The following PCNX2 variants were observed in gnomAD, a reference collection of about 807,000 sequenced individuals.
PCNX2 encodes the protein pecanex-like protein 2.
Under a neutral mutation model 223.8 loss-of-function variants are expected in PCNX2, and 168 were observed. That is an observed-to-expected ratio of 0.75 (90% CI 0.66 to 0.85). The LOEUF (loss-of-function observed/expected upper bound fraction) is 0.85, where lower values mean the gene tolerates loss of function less well. Among genes scored for constraint, PCNX2 ranks in the 40% least tolerant of loss-of-function variants. The pLI, the probability that PCNX2 is intolerant of heterozygous loss-of-function variation, is 0.00. For synonymous variants in PCNX2, 1,006 were observed against 1,052.6 expected (o/e 0.96, Z 0.86); for missense variants, 2,507 against 2,675.5 (o/e 0.94, Z 1.39).
rs1320297356 is a variant in PCNX2 at position 233,126,447 on chromosome 1, A to C, written c.3837+8566T>G. 6.6e-6 allele frequency among the ~76,000 whole-genome samples: 1 copy of C among 152,154 alleles called. No individual in the cohort carries two copies. The highest frequency in any genetic ancestry group is 1.5e-5 in the Non-Finnish European group (1 of 68,022). On this transcript the variant is annotated intron_variant, in intron 21 of 33. Coordinates refer to ENST00000258229, the MANE Select transcript of PCNX2 (RefSeq NM_014801.4). This position sits in a 1 kb window ranked among gnomAD's most constrained non-coding sequence, Gnocchi z 4.8. The stretch of plus-strand genomic sequence containing the variant: ...GTCTTCTAACACATATTTTAAGCAA[A>C]AATGGAGGTAAAAGGCAGGTACAGA...
At chr1:233,172,994 A>T (rs1679248505) in intron 17 of PCNX2, among the ~76,000 whole-genome samples, 1 of 152,142 alleles carries the variant, frequency 6.6e-6, no homozygotes, top group African/African-American at 2.4e-5. Context: ...CCCACTGCTA[A>T]ACAATTACCT....
chr1:233,230,605 A>G (rs985271400), intron 9 of PCNX2, among the ~76,000 whole-genome samples: 1 of 152,196 alleles, frequency 6.6e-6, no homozygotes, highest in African/African-American at 2.4e-5. Context: ...TTGCCCAGTA[A>G]GTTGGGCCTG....
intron 21 of PCNX2, among the ~76,000 whole-genome samples, chr1:233,124,999 A>C (rs1168840000): frequency 6.6e-6 from 1 of 152,224 alleles, no homozygotes; most frequent in African/African-American, 2.4e-5. Flanking sequence ...GGTCATTTAC[A>C]AATAGGTATT....
Position 232,984,410 on chromosome 1 carries a change from GCCAGACATCGGTCATGAAGCTGCCC to G in PCNX2, c.6283_6307del (p.Gly2095LeufsTer92). The G allele has an allele frequency of 6.2e-7, 1 of 1,613,796 alleles. No individual in the cohort carries two copies. The highest frequency in any genetic ancestry group is 8.5e-7 in the Non-Finnish European group (1 of 1,179,848). On this transcript the variant is annotated frameshift_variant, in exon 34 of 34. Coordinates refer to ENST00000258229, the MANE Select transcript of PCNX2 (RefSeq NM_014801.4). LOFTEE classifies it high-confidence loss of function. ...CCCGAGAGTGTCCGCCACAGCCTCA[GCCAGACATCGGTCATGAAGCTGCCC>G]CTGCTCGGTGGCATCAGGGGGCTCA...
intron 21 of PCNX2, among the ~76,000 whole-genome samples, chr1:233,122,115 G>A (rs1675834460): frequency 8.8e-6 from 1 of 113,228 alleles, no homozygotes; most frequent in Non-Finnish European, 2.1e-5. Flanking sequence ...CACAGAGGGA[G>A]AGAGAGAGAG....
At chr1:233,149,163 C>T (rs1190958666) in intron 19 of PCNX2, among the ~76,000 whole-genome samples, 1 of 152,198 alleles carries the variant, frequency 6.6e-6, no homozygotes. Context: ...TTTCTCTTTT[C>T]TCTGGAATAT....
intron 26 of PCNX2, among the ~76,000 whole-genome samples, chr1:233,024,194 C>A (rs769417487): frequency 6.6e-6 from 1 of 152,198 alleles, no homozygotes; most frequent in African/African-American, 2.4e-5. Context: ...GGATTATAGG[C>A]GTGAACCACC....
At chr1:233,054,632 G>A in intron 24 of PCNX2, 149 bp from the exon 25 acceptor site, 1 of 677,910 alleles carries the variant, frequency 1.5e-6, no homozygotes, top group Non-Finnish European at 2.4e-6. Flanking sequence ...CCACATTTTA[G>A]TGGATTATAT....
intron 26 of PCNX2, 138 bp from the exon 27 acceptor site, chr1:233,017,292 AT>A: frequency 1.9e-6 from 1 of 526,022 alleles, no homozygotes; most frequent in Non-Finnish European, 3.2e-6. Context: ...CACAGAACTC[AT>A]TTGAGACATT....
At chr1:233,031,128 C>T (rs1671248523) in intron 25 of PCNX2, among the ~76,000 whole-genome samples, 2 of 152,326 alleles carry the variant, frequency 1.3e-5, no homozygotes, top group South Asian at 4.1e-4. Flanking sequence ...CCCTGCACTG[C>T]CTGTTGTCCA....
rs540710512 is a variant in PCNX2 at position 233,135,183 on chromosome 1, T to C, written c.3667A>G (p.Ile1223Val). The change falls in exon 21 of 34, where the codon ATT (isoleucine) becomes GTT (valine). Residue 1223 changes from isoleucine to valine, a missense_variant. Around this residue, in one of 3 missense-constraint regions of PCNX2, gnomAD observed 1,372 missense variants for 1,509.4 expected, o/e 0.91. Transcript: ENST00000258229. ...ATGCCAGCAATGATCATCAGAAAAATGTCCCAGCTGTTGGAAACAAAAGAA... is the reference window on the plus strand; with the variant it reads ...ATGCCAGCAATGATCATCAGAAAAACGTCCCAGCTGTTGGAAACAAAAGAA... ...NHRRLGTHWD[I>V]FLMIIAGMKL... The C allele has an allele frequency of 1.9e-6, 3 of 1,612,986 alleles. No homozygotes were observed. The highest frequency in any genetic ancestry group is 1.7e-5 in the Admixed American group (1 of 59,838).
chr1:233,293,819 C>T, intron 1 of PCNX2: 1 of 349,912 alleles, frequency 2.9e-6, no homozygotes, highest in Non-Finnish European at 4.0e-6. Context: ...CTTGCTCAAG[C>T]TCATATTAGG....
intron 8 of PCNX2, among the ~76,000 whole-genome samples, chr1:233,247,238 G>T (rs1659177745): frequency 6.6e-6 from 1 of 152,186 alleles, no homozygotes; most frequent in African/African-American, 2.4e-5. Flanking sequence ...TAAGTGAAGG[G>T]ACTGGAGTTT....
intron 1 of PCNX2, chr1:233,293,889 G>T: frequency 2.2e-6 from 2 of 901,864 alleles, no homozygotes; most frequent in Non-Finnish European, 2.7e-6. Context: ...TCATGACTTT[G>T]CTATGCTGTC....
At chr1:233,014,823 T>C in intron 27 of PCNX2, 46 bp from the exon 28 acceptor site, 3 of 1,453,678 alleles carry the variant, frequency 2.1e-6, no homozygotes, top group Non-Finnish European at 2.9e-6. Context: ...GATTCCAATA[T>C]GTACCAACAC....
chr1:233,309,613 C>G, the PCNX2 span, among the ~76,000 whole-genome samples: 1 of 151,576 alleles, frequency 6.6e-6, no homozygotes, highest in Non-Finnish European at 1.5e-5. Context: ...CACAGTGGCT[C>G]ATGCCTGTAA....
intron 23 of PCNX2, among the ~76,000 whole-genome samples, chr1:233,086,483 CCGT>C (rs1673604974): frequency 1.3e-5 from 2 of 151,756 alleles, no homozygotes; most frequent in Admixed American, 1.3e-4. Context: ...CGGTGAAACC[CCGT>C]CTCTACTAAA....
intron 12 of PCNX2, among the ~76,000 whole-genome samples, chr1:233,214,491 G>A (rs190447361): frequency 6.6e-6 from 1 of 152,270 alleles, no homozygotes; most frequent in East Asian, 1.9e-4. Flanking sequence ...ATTACCGGGT[G>A]CTGTCCCAGC....
At chr1:233,085,226 G>A (rs989144835) in intron 23 of PCNX2, among the ~76,000 whole-genome samples, 11 of 151,886 alleles carry the variant, frequency 7.2e-5, no homozygotes, top group African/African-American at 2.2e-4. Flanking sequence ...CCAGCTACTC[G>A]GGAGGCTGAG....
Sources: allele counts gnomAD v4.1 joint callset (sites outside exome capture counted in the v4.1 genomes callset), GRCh38; gene constraint gnomAD v4.1.1; regional missense constraint gnomAD v4.1.1; non-coding constraint Gnocchi (gnomAD v3.1); transcripts MANE v1.5; gene names NCBI Gene and HGNC (gene_info 2026-07-23, HGNC 2026-07-21).